The following WWOX variants were observed in gnomAD, a reference collection of about 807,000 sequenced individuals.
WWOX encodes the protein WW domain containing oxidoreductase, also known as WW domain-containing oxidoreductase.
Under a neutral mutation model 46.2 loss-of-function variants are expected in WWOX, and 69 were observed. The observed-to-expected ratio is 1.49, with a 90% CI of 1.23 to 1.82. WWOX has a LOEUF of 1.82. WWOX is among the 40% of genes most tolerant of loss of function. The pLI is 0.00. For missense variants in WWOX, 919 were observed against 542.6 expected (o/e 1.69, Z -6.89); for synonymous variants, 359 against 202.6 (o/e 1.77, Z -6.56).
chr16:78,240,627 G>A (rs185693054), intron 5 of WWOX, among the ~76,000 whole-genome samples: 137 of 152,288 alleles, frequency 9.0e-4, no homozygotes, highest in Admixed American at 2.9e-3. Context: ...ACTTCACAGG[G>A]TCTTTGTTCT....
chr16:78,813,066 G>C (rs576271135), intron 8 of WWOX, among the ~76,000 whole-genome samples: 3 of 150,636 alleles, frequency 2.0e-5, no homozygotes, highest in East Asian at 1.9e-4. Flanking sequence ...AAAATACTGA[G>C]ATACTTGTGA....
At chr16:78,415,745 C>T (rs551843864) in intron 6 of WWOX, among the ~76,000 whole-genome samples, 5 of 152,190 alleles carry the variant, frequency 3.3e-5, no homozygotes. Flanking sequence ...CCACCTCACT[C>T]CACTCTTGCC....
At chr16:78,380,342 G>A (rs75414938) in intron 5 of WWOX, among the ~76,000 whole-genome samples, 3 of 152,196 alleles carry the variant, frequency 2.0e-5, no homozygotes, top group Admixed American at 1.3e-4. Context: ...TGATGCGGCT[G>A]TGCATGAGCC....
chr16:78,924,451 A>C (rs905375123), intron 8 of WWOX, among the ~76,000 whole-genome samples: 1 of 152,180 alleles, frequency 6.6e-6, no homozygotes, highest in Admixed American at 6.5e-5. Flanking sequence ...CCAGCTTTGG[A>C]GTTAAAATAT....
In WWOX at chr16:78,937,199, G is replaced by C. The variant is rs145237733; in HGVS notation, c.1057-274409G>C. Among the ~76,000 whole-genome samples the C allele has an allele frequency of 1.9e-4, 29 of 152,234 alleles. 1 individual carries two copies. In the East Asian group the frequency reaches 5.6e-3, roughly 29 times the overall value. ...TACATATGGATTTTTGGAGAGGGGA[G>C]CAGAGCAGAAGAGAAAACTTTCAAC... On this transcript the variant is annotated intron_variant, in intron 8 of 8. Coordinates refer to ENST00000566780, the MANE Select transcript of WWOX (RefSeq NM_016373.4).
chr16:78,385,813 G>C (rs2082048326), intron 5 of WWOX, among the ~76,000 whole-genome samples: 1 of 152,204 alleles, frequency 6.6e-6, no homozygotes, highest in African/African-American at 2.4e-5. Flanking sequence ...CTTCTTATTT[G>C]AATAGGCAGG....
At chr16:78,479,230 C>G (rs537623168) in intron 8 of WWOX, among the ~76,000 whole-genome samples, 104 of 152,210 alleles carry the variant, frequency 6.8e-4, no homozygotes, top group African/African-American at 2.4e-3. Context: ...TATTGAATAC[C>G]TACTATGTGT....
intron 8 of WWOX, among the ~76,000 whole-genome samples, chr16:79,074,848 A>T (rs2048624150): frequency 6.6e-6 from 1 of 151,024 alleles, no homozygotes; most frequent in African/African-American, 2.5e-5. Flanking sequence ...ATCTCTTGCA[A>T]GGCTTTTGAT....
intron 8 of WWOX, among the ~76,000 whole-genome samples, chr16:78,619,107 C>G (rs1387223309): frequency 1.8e-5 from 2 of 111,894 alleles, no homozygotes; most frequent in East Asian, 2.8e-4. Flanking sequence ...ACCAGCCTGG[C>G]CAACGTGGCA....
At chr16:78,552,317 A>G (rs1019608772) in intron 8 of WWOX, 2 of 152,294 alleles carry the variant, frequency 1.3e-5, no homozygotes, top group Non-Finnish European at 2.9e-5. Context: ...TTTATTTGGG[A>G]TCCAGGAGGG....
chr16:78,349,655 G>GACAATCCTTCATCCTTCCC lies in WWOX; in HGVS notation c.517-37203_517-37185dup, dbSNP rs2081152212. ...ATGAGCCCTAATGGTGCACCCTTCC[G>GACAATCCTTCATCCTTCCC]ACAATCCTTCATCCTTCCCAGACGT... is the stretch of plus-strand genomic sequence containing the variant. On this transcript the variant is annotated intron_variant, in intron 5 of 8. Coordinates refer to ENST00000566780, the MANE Select transcript of WWOX (RefSeq NM_016373.4). 1.7e-5 allele frequency among the ~76,000 whole-genome samples: 2 copies of GACAATCCTTCATCCTTCCC among 120,068 alleles called. 1 individual carries two copies. Among genetic ancestry groups the GACAATCCTTCATCCTTCCC allele is most frequent in the African/African-American group, 5.7e-5 (2 of 35,396 alleles). 78.8% of individuals were successfully genotyped at this position (120,068 alleles called of 152,430 possible). A position where few individuals can be genotyped will look rare whatever the true frequency, so the allele number is the denominator to read the frequency against.
At chr16:78,257,233 T>TAGGC (rs1338085713) in intron 5 of WWOX, among the ~76,000 whole-genome samples, 1 of 152,134 alleles carries the variant, frequency 6.6e-6, no homozygotes, top group Admixed American at 6.5e-5. Context: ...AGTGAAGGTT[T>TAGGC]AGGCATGTAT....
chr16:78,760,754 G>C (rs956125253), intron 8 of WWOX, among the ~76,000 whole-genome samples: 9 of 152,178 alleles, frequency 5.9e-5, no homozygotes, highest in Admixed American at 5.2e-4. Context: ...CATGCCTGGA[G>C]AGCATTACAG....
At chr16:79,064,035 G>T (rs1430832463) in intron 8 of WWOX, among the ~76,000 whole-genome samples, 1 of 152,192 alleles carries the variant, frequency 6.6e-6, no homozygotes, top group Admixed American at 6.5e-5. Flanking sequence ...TATTTTAGAA[G>T]CCTCAGAAGT....
chr16:78,389,287 C>T (rs1289279903), intron 6 of WWOX, among the ~76,000 whole-genome samples: 2 of 152,152 alleles, frequency 1.3e-5, no homozygotes, highest in Admixed American at 1.3e-4. Context: ...TTCATTTATC[C>T]ACCCGTTCCT....
At chr16:79,000,853 C>T (rs908244999) in intron 8 of WWOX, among the ~76,000 whole-genome samples, 1 of 152,180 alleles carries the variant, frequency 6.6e-6, no homozygotes, top group African/African-American at 2.4e-5. Context: ...CCCTGGACCT[C>T]TCTTCCATGG....
chr16:78,818,055 A>G (rs1257343954), intron 8 of WWOX, among the ~76,000 whole-genome samples: 1 of 152,204 alleles, frequency 6.6e-6, no homozygotes, highest in Non-Finnish European at 1.5e-5. Flanking sequence ...AGTCAACCTT[A>G]TGAAGCTAAA....
chr16:78,465,894 G>A (rs1053306577), intron 8 of WWOX, among the ~76,000 whole-genome samples: 5 of 152,118 alleles, frequency 3.3e-5, no homozygotes, highest in Non-Finnish European at 1.5e-5. Flanking sequence ...ACACTAAGAG[G>A]TCACATAGGA....
At chr16:79,149,289 A>G (rs1184393545) in intron 8 of WWOX, among the ~76,000 whole-genome samples, 2 of 152,206 alleles carry the variant, frequency 1.3e-5, no homozygotes, top group African/African-American at 4.8e-5. Flanking sequence ...ATGCCAATCT[A>G]TATGATCATA....
Sources: gnomAD v4.1 joint callset for allele counts (sites outside exome capture counted in the v4.1 genomes callset) on GRCh38, gnomAD v4.1.1 for gene constraint, MANE v1.5 for transcripts, NCBI Gene and HGNC (gene_info 2026-07-23, HGNC 2026-07-21) for gene names.